Variants in CFAP44 observed in about 807,000 individuals in gnomAD.
CFAP44 encodes cilia and flagella associated protein 44.
A neutral mutation model predicts 216.2 loss-of-function variants in CFAP44; 134 were observed. That is an observed-to-expected ratio of 0.62 (90% CI 0.54 to 0.72). The LOEUF is 0.72. Ranked by LOEUF, CFAP44 falls within the 30% of genes least tolerant of loss-of-function variation. CFAP44 has a pLI of 0.00. For missense variants in CFAP44, 2,035 were observed against 2,182.1 expected (o/e 0.93, Z 1.34); for synonymous variants, 700 against 727.6 (o/e 0.96, Z 0.61).
intron 2 of CFAP44, among the ~76,000 whole-genome samples, chr3:113,429,888 A>T (rs1372346755): frequency 2.6e-5 from 4 of 152,158 alleles, no homozygotes; most frequent in Non-Finnish European, 2.9e-5. Context: ...CATTTATTAT[A>T]GTAACACGTA....
At chr3:113,427,507 A>G (rs1934994702) in intron 2 of CFAP44, 168 bp from the exon 3 acceptor site, 2 of 530,558 alleles carry the variant, frequency 3.8e-6, no homozygotes, top group Middle Eastern at 4.9e-4. Flanking sequence ...ACTTTACAAA[A>G]TAAGAAAGCC....
intron 2 of CFAP44, chr3:113,432,073 A>G (rs185030216): frequency 9.2e-5 from 14 of 152,196 alleles, no homozygotes; most frequent in African/African-American, 3.4e-4. Context: ...AAGATCAAGC[A>G]TCTCTAAATG....
chr3:113,341,471 T>A (rs1011219147), intron 24 of CFAP44, among the ~76,000 whole-genome samples: 1 of 152,196 alleles, frequency 6.6e-6, no homozygotes, highest in Non-Finnish European at 1.5e-5. Context: ...AGAAAAGCAT[T>A]TCTTAATTCT....
At chr3:113,370,418 G>A (rs972570164) in intron 18 of CFAP44, among the ~76,000 whole-genome samples, 4 of 152,214 alleles carry the variant, frequency 2.6e-5, no homozygotes, top group African/African-American at 7.2e-5. Context: ...ATGCAAGGCT[G>A]GTTCAACATA....
At chr3:113,345,100 T>C (rs912726891) in intron 22 of CFAP44, among the ~76,000 whole-genome samples, 2 of 148,420 alleles carry the variant, frequency 1.3e-5, no homozygotes, top group Non-Finnish European at 3.0e-5. Flanking sequence ...ATTATGTATA[T>C]ATATCTATAC....
intron 22 of CFAP44, among the ~76,000 whole-genome samples, chr3:113,357,438 C>T (rs1950501497): frequency 6.6e-6 from 1 of 152,076 alleles, no homozygotes; most frequent in Non-Finnish European, 1.5e-5. Context: ...TGAAGAGACA[C>T]AGGGAGAACA....
At position 113,375,764 on chromosome 3, in the gene CFAP44, T is replaced by C. The variant is rs149675798; in HGVS notation, c.2299-2208A>G. Among the ~76,000 whole-genome samples the C allele has an allele frequency of 5.4e-3, 825 of 152,236 alleles. 10 individuals carry two copies. Among genetic ancestry groups the C allele is most frequent in the African/African-American group, 0.019 (793 of 41,538 alleles). ...TGAGCCTGGGAAGTAGAGGCTGTAGTGAGCTGAGACGGCACCATTGCACTC... is the reference window on the plus strand; with the variant it reads ...TGAGCCTGGGAAGTAGAGGCTGTAGCGAGCTGAGACGGCACCATTGCACTC... On this transcript the variant is annotated intron_variant, in intron 17 of 34. Coordinates refer to ENST00000393845, the MANE Select transcript of CFAP44 (RefSeq NM_001164496.2).
chr3:113,316,216 C>T (rs1212112194), intron 28 of CFAP44, among the ~76,000 whole-genome samples: 2 of 152,092 alleles, frequency 1.3e-5, no homozygotes, highest in Non-Finnish European at 2.9e-5. Flanking sequence ...CAGAGCAGGT[C>T]TCAATAAAAA....
At chr3:113,336,436 T>C (rs1278619797) in intron 24 of CFAP44, among the ~76,000 whole-genome samples, 1 of 152,060 alleles carries the variant, frequency 6.6e-6, no homozygotes, top group Non-Finnish European at 1.5e-5. Context: ...ATAAACTACC[T>C]TATGCCAATA....
intron 21 of CFAP44, 106 bp from the exon 22 acceptor site, chr3:113,358,981 A>G: frequency 2.3e-6 from 3 of 1,315,726 alleles, no homozygotes; most frequent in Non-Finnish European, 3.0e-6. Flanking sequence ...TCTTCCCCAA[A>G]TATCATAAAC....
intron 19 of CFAP44, 38 bp downstream of exon 19, chr3:113,366,001 C>T (rs182269027): frequency 6.5e-7 from 1 of 1,547,358 alleles, no homozygotes; most frequent in East Asian, 2.3e-5. Context: ...TTTTTAAATA[C>T]AGTTTGTTAT....
rs566476245 is a variant in CFAP44, at chr3:113,304,263, T to C, written c.4876-146A>G. 3.9e-4 allele frequency: 291 copies of C among 744,850 alleles called. 3 individuals carry two copies. In the South Asian group the frequency reaches 5.5e-3, roughly 14 times the overall value. 46.1% of individuals were successfully genotyped at this position (744,850 alleles called of 1,614,324 possible). ...CTACGTCTTCCTTACTGAGTAACAG[T>C]AGCCAGGCAAACACAGAAAGATGCT... On this transcript the variant is annotated intron_variant, in intron 31 of 34. Coordinates refer to ENST00000393845, the MANE Select transcript of CFAP44 (RefSeq NM_001164496.2).
At chr3:113,305,286 G>T in intron 30 of CFAP44, 134 bp from the exon 31 acceptor site, 1 of 722,966 alleles carries the variant, frequency 1.4e-6, no homozygotes, top group Non-Finnish European at 2.3e-6. Context: ...TTAAGTGCAT[G>T]ATCCCAGTTT....
At position 113,308,176 on chromosome 3, in the gene CFAP44, C is replaced by T. The variant is rs1462933074; in HGVS notation, c.4609G>A (p.Asp1537Asn). The T allele has an allele frequency of 6.5e-7, 1 of 1,533,238 alleles. No individual in the cohort carries two copies. The highest frequency in any genetic ancestry group is 8.7e-7 in the Non-Finnish European group (1 of 1,145,946). The allele number at this position is 1,533,238 out of a possible 1,614,324, so 95.0% of individuals were successfully genotyped here. Residue 1537 changes from aspartate to asparagine, a missense_variant, in exon 29 of 35, where the codon GAT (aspartate) becomes AAT (asparagine). Transcript: ENST00000393845. ...AACTTACTTGTTGGGCAAATAGAAT[C>T]ATCAAAAACCTCATCTTCTGATTCA... is the stretch of plus-strand genomic sequence containing the variant. ...ESESEDEVFDDSICPTNCDVA... is the reference protein window; with the variant it reads ...ESESEDEVFDNSICPTNCDVA...
At chr3:113,327,921 C>T (rs1950202229) in intron 26 of CFAP44, 102 bp from the exon 27 acceptor site, 1 of 1,026,486 alleles carries the variant, frequency 9.7e-7, no homozygotes, top group South Asian at 1.7e-5. Context: ...TTTTATTATG[C>T]CCTTATGGAT....
intron 15 of CFAP44, among the ~76,000 whole-genome samples, chr3:113,383,559 A>G (rs1933568466): frequency 6.6e-6 from 1 of 152,192 alleles, no homozygotes; most frequent in South Asian, 2.1e-4. Flanking sequence ...ATTGAAATAA[A>G]GAATTATAAA....
chr3:113,370,117 CCAGA>C (rs1352443448), intron 18 of CFAP44, among the ~76,000 whole-genome samples: 1 of 152,106 alleles, frequency 6.6e-6, no homozygotes, highest in Admixed American at 6.6e-5. Flanking sequence ...AAGTCCAGAA[CCAGA>C]CAGATTCAAA....
At chr3:113,299,067 ATC>A (rs1455631162) in intron 32 of CFAP44, among the ~76,000 whole-genome samples, 1 of 152,232 alleles carries the variant, frequency 6.6e-6, no homozygotes, top group African/African-American at 2.4e-5. Context: ...ATAAATTAAA[ATC>A]ACACAGTTAT....
intron 22 of CFAP44, among the ~76,000 whole-genome samples, chr3:113,358,422 A>G (rs901153251): frequency 6.6e-6 from 1 of 152,154 alleles, no homozygotes; most frequent in Admixed American, 6.6e-5. Context: ...CTTTGGTTCC[A>G]TTTGATTTTT....
Sources: gnomAD v4.1 joint callset for allele counts (sites outside exome capture counted in the v4.1 genomes callset) on GRCh38, gnomAD v4.1.1 for gene constraint, MANE v1.5 for transcripts, NCBI Gene and HGNC (gene_info 2026-07-23, HGNC 2026-07-21) for gene names.